Variants in LSAMP observed in about 807,000 individuals in gnomAD.
The protein encoded by LSAMP is limbic system associated membrane protein.
Under a neutral mutation model 38.6 loss-of-function variants are expected in LSAMP, and 7 were observed. That is an observed-to-expected ratio of 0.18 (90% CI 0.10 to 0.34). LSAMP has a LOEUF of 0.34. Ranked by LOEUF, LSAMP falls within the 10% of genes least tolerant of loss-of-function variation. LSAMP has a pLI of 1.00. For missense variants in LSAMP, 313 were observed against 420.0 expected (o/e 0.75, Z 2.23); for synonymous variants, 154 against 166.8 (o/e 0.92, Z 0.59).
At chr3:115,925,572 G>C (rs574804478) in intron 3 of LSAMP, among the ~76,000 whole-genome samples, 1 of 152,096 alleles carries the variant, frequency 6.6e-6, no homozygotes, top group Non-Finnish European at 1.5e-5. Flanking sequence ...ATTGCAAACT[G>C]TATAACAATA....
intron 1 of LSAMP, among the ~76,000 whole-genome samples, chr3:116,117,935 A>G (rs965152077): frequency 6.8e-6 from 1 of 147,232 alleles, no homozygotes; most frequent in Admixed American, 6.6e-5. Flanking sequence ...TATTTCGTAT[A>G]TCTTTTTTTT....
At chr3:116,317,818 A>G (rs2047652887) in intron 1 of LSAMP, among the ~76,000 whole-genome samples, 1 of 151,940 alleles carries the variant, frequency 6.6e-6, no homozygotes, top group African/African-American at 2.4e-5. Context: ...TCATTTAACC[A>G]ATTAATTCAA....
chr3:116,069,481 T>C (rs1327497350), intron 2 of LSAMP, among the ~76,000 whole-genome samples: 2 of 152,176 alleles, frequency 1.3e-5, no homozygotes, highest in Non-Finnish European at 2.9e-5. Flanking sequence ...CAGAGCTATA[T>C]GTCATAAATA....
intron 2 of LSAMP, among the ~76,000 whole-genome samples, chr3:116,030,918 C>G (rs1576319701): frequency 6.6e-6 from 1 of 152,082 alleles, no homozygotes; most frequent in Non-Finnish European, 1.5e-5. Context: ...GGATTTAGCC[C>G]TAAAACATGA....
chr3:116,433,710 T>A (rs1228613182), intron 1 of LSAMP, among the ~76,000 whole-genome samples: 1 of 152,162 alleles, frequency 6.6e-6, no homozygotes, highest in East Asian at 1.9e-4. Flanking sequence ...TCCTGCTATT[T>A]AAGTAACTCC....
chr3:116,008,407 G>A (rs1397768084), intron 3 of LSAMP, among the ~76,000 whole-genome samples: 3 of 152,054 alleles, frequency 2.0e-5, no homozygotes, highest in Non-Finnish European at 4.4e-5. Flanking sequence ...TTTCAAACTA[G>A]TTTCATATTC....
chr3:116,082,771 TA>T (rs1325621207), intron 2 of LSAMP, among the ~76,000 whole-genome samples: 1 of 152,012 alleles, frequency 6.6e-6, no homozygotes. Flanking sequence ...TCATCCCTAG[TA>T]AACTAATGCA....
At chr3:116,283,937 C>T (rs562579826) in intron 1 of LSAMP, among the ~76,000 whole-genome samples, 15 of 152,130 alleles carry the variant, frequency 9.9e-5, no homozygotes, top group African/African-American at 3.6e-4. Context: ...ACCCAGGAGG[C>T]GGAGGTTGCA....
intron 1 of LSAMP, among the ~76,000 whole-genome samples, chr3:116,411,301 A>G (rs1263799757): frequency 6.6e-6 from 1 of 152,042 alleles, no homozygotes; most frequent in Non-Finnish European, 1.5e-5. Context: ...ACTATAAATC[A>G]TGCTGCTGTA....
rs758386097 is a variant in LSAMP, at chr3:115,810,302, T to A, written c.*15A>T. The A allele has an allele frequency of 5.2e-5, 80 of 1,550,694 alleles. No homozygotes were observed. The highest frequency in any genetic ancestry group is 1.7e-4 in the East Asian group (7 of 41,686). On this transcript the variant is annotated 3_prime_UTR_variant, in exon 7 of 7. Coordinates refer to ENST00000490035, the MANE Select transcript of LSAMP (RefSeq NM_002338.5). ...TTTTGTGTGTTTTTTAAATTATTTT[T>A]AAATTTTTATTCTATTAACATTTGC...
intron 1 of LSAMP, among the ~76,000 whole-genome samples, chr3:116,208,134 G>A (rs1459869956): frequency 1.7e-4 from 25 of 151,186 alleles, no homozygotes; most frequent in South Asian, 6.3e-4. Flanking sequence ...TTCCCTTCTC[G>A]CTTCATTTCA....
chr3:115,866,907 A>G (rs1043410953), intron 3 of LSAMP, among the ~76,000 whole-genome samples: 1 of 152,048 alleles, frequency 6.6e-6, no homozygotes, highest in African/African-American at 2.4e-5. Context: ...TTAATTCTCA[A>G]TTAACACCTA....
At chr3:115,986,185 T>C (rs777804874) in intron 3 of LSAMP, among the ~76,000 whole-genome samples, 66 of 152,134 alleles carry the variant, frequency 4.3e-4, no homozygotes, top group Non-Finnish European at 7.5e-4. Flanking sequence ...TCTTAGTTGA[T>C]AAAAGAAACT....
At chr3:116,264,402 G>A (rs1035019853) in intron 1 of LSAMP, among the ~76,000 whole-genome samples, 2 of 152,074 alleles carry the variant, frequency 1.3e-5, no homozygotes, top group African/African-American at 4.8e-5. Context: ...AGTAAGAGGC[G>A]GCTTCCAAGA....
intron 1 of LSAMP, among the ~76,000 whole-genome samples, chr3:116,139,270 G>T (rs966892526): frequency 6.6e-6 from 1 of 151,900 alleles, no homozygotes; most frequent in African/African-American, 2.4e-5. Context: ...GCCCAATTTT[G>T]AAAGGATGAC....
intron 3 of LSAMP, among the ~76,000 whole-genome samples, chr3:115,952,921 T>C (rs1228988515): frequency 6.6e-6 from 1 of 152,226 alleles, no homozygotes; most frequent in East Asian, 1.9e-4. Context: ...GTATACTGTC[T>C]CCTTGTAAAG....
chr3:116,400,163 T>C (rs1490720701), intron 1 of LSAMP, among the ~76,000 whole-genome samples: 7 of 152,168 alleles, frequency 4.6e-5, no homozygotes, highest in Non-Finnish European at 8.8e-5. Flanking sequence ...CTGACTATTT[T>C]GTTCTTGCTT....
At chr3:116,232,026 C>T (rs1217137105) in intron 1 of LSAMP, among the ~76,000 whole-genome samples, 1 of 152,110 alleles carries the variant, frequency 6.6e-6, no homozygotes, top group Non-Finnish European at 1.5e-5. Context: ...GTATTTTCAA[C>T]CAGAAACGTA....
intron 1 of LSAMP, among the ~76,000 whole-genome samples, chr3:116,093,337 A>C (rs573504907): frequency 1.1e-4 from 17 of 152,356 alleles, no homozygotes; most frequent in African/African-American, 3.8e-4. Context: ...TATCTTATCC[A>C]AAATGTTGAC....
Sources: gnomAD v4.1 joint callset for allele counts (sites outside exome capture counted in the v4.1 genomes callset) on GRCh38, gnomAD v4.1.1 for gene constraint, MANE v1.5 for transcripts, NCBI Gene and HGNC (gene_info 2026-07-23, HGNC 2026-07-21) for gene names.